CEP192: variants seen among roughly 807,000 people sequenced by gnomAD.
CEP192 encodes the protein centrosomal protein 192, also known as centrosomal protein of 192 kDa.
Under a neutral mutation model 271.8 loss-of-function variants are expected in CEP192, and 151 were observed. The observed-to-expected ratio is 0.56, with a 90% CI of 0.49 to 0.64. The LOEUF is 0.64. Ranked by LOEUF, CEP192 falls within the 30% of genes least tolerant of loss-of-function variation. The pLI, the probability that CEP192 is intolerant of heterozygous loss-of-function variation, is 0.00. For missense variants in CEP192, 2,910 were observed against 3,020.5 expected (o/e 0.96, Z 0.86); for synonymous variants, 995 against 1,076.5 (o/e 0.92, Z 1.48).
At chr18:13,001,665 A>G in intron 3 of CEP192, 83 bp downstream of exon 3, 2 of 1,280,804 alleles carry the variant, frequency 1.6e-6, no homozygotes, top group South Asian at 1.6e-5. Context: ...GTGATTGTGT[A>G]TGTAATTAAT....
chr18:13,042,273 A>T lies in CEP192; in HGVS notation c.2006A>T (p.Glu669Val), dbSNP rs775020219. 1.6e-5 allele frequency: 26 copies of T among 1,613,532 alleles called. No homozygotes were observed. The South Asian group carries it at 2.7e-4, about 17-fold the overall frequency. Reference protein sequence around the residue: ...GSITLQVEAVESTSQVDENDV... With the variant: ...GSITLQVEAVVSTSQVDENDV... ...ATTACACTTCAGGTTGAAGCAGTAGAGAGTACTTCACAAGTGGATGAAAAT... is the reference window on the plus strand; with the variant it reads ...ATTACACTTCAGGTTGAAGCAGTAGTGAGTACTTCACAAGTGGATGAAAAT... The change falls in exon 15 of 45, where the codon GAG (glutamate) becomes GTG (valine). Residue 669 changes from glutamate to valine, a missense_variant. Physicochemically the swap from Glu to Val is moderately radical, Grantham distance 121. Coordinates refer to ENST00000506447, the MANE Select transcript of CEP192 (RefSeq NM_032142.4).
chr18:13,024,483 AG>A (rs1265607425), intron 9 of CEP192: 1 of 357,590 alleles, frequency 2.8e-6, no homozygotes. Context: ...TTATTTTTTG[AG>A]GTGGAGTCTT....
intron 30 of CEP192, among the ~76,000 whole-genome samples, chr18:13,086,109 A>C (rs1165086096): frequency 6.6e-6 from 1 of 152,030 alleles, no homozygotes; most frequent in Admixed American, 6.6e-5. Context: ...CTTCCCTTGT[A>C]AGTTGTATTC....
At chr18:12,997,667 T>G (rs2033339666) in intron 1 of CEP192, among the ~76,000 whole-genome samples, 1 of 152,180 alleles carries the variant, frequency 6.6e-6, no homozygotes, top group African/African-American at 2.4e-5. Flanking sequence ...TACATAGAAC[T>G]GAGTTTCTGC....
chr18:13,019,050 G>A, intron 8 of CEP192, 32 bp from the exon 9 acceptor site: 2 of 1,505,290 alleles, frequency 1.3e-6, no homozygotes, highest in East Asian at 2.6e-5. Flanking sequence ...GATTTGATGT[G>A]GCTCCTTTAA....
At chr18:13,012,073 T>G (rs1411214857) in intron 4 of CEP192, among the ~76,000 whole-genome samples, 17 of 152,222 alleles carry the variant, frequency 1.1e-4, no homozygotes, top group Non-Finnish European at 2.2e-4. Context: ...TATGGTTCTG[T>G]TTATCCATAG....
chr18:13,087,074 T>A lies in CEP192; in HGVS notation c.5674T>A (p.Leu1892Ile). ...TCTTATTTTGGAAGGCGTTAAAAAA[T>A]TATCTGACAGTTACATGGTAACAGT... is the stretch of plus-strand genomic sequence containing the variant. ...SNLILEGVKK[L>I]SDSYMVTVNG... The change falls in exon 31 of 45, where the codon TTA becomes ATA. Residue 1892 changes from leucine to isoleucine, a missense_variant. Coordinates refer to ENST00000506447, the MANE Select transcript of CEP192 (RefSeq NM_032142.4). 6.2e-7 allele frequency: 1 copy of A among 1,613,216 alleles called. No individual in the cohort carries two copies. The highest frequency in any genetic ancestry group is 8.5e-7 in the Non-Finnish European group (1 of 1,179,248).
intron 18 of CEP192, among the ~76,000 whole-genome samples, chr18:13,053,968 A>C (rs1676629209): frequency 6.6e-6 from 1 of 152,198 alleles, no homozygotes; most frequent in Admixed American, 6.5e-5. Context: ...CTGGGACTAC[A>C]GGTGCCTACC....
At position 13,049,044 on chromosome 18, in the gene CEP192, G is replaced by T; in HGVS notation, c.2253G>T (p.Gln751His). The change falls in exon 16 of 45, where the codon CAG becomes CAT. Residue 751 changes from glutamine to histidine, a missense_variant. Gln to His is a conservative substitution (Grantham distance 24, BLOSUM62 0). Coordinates refer to ENST00000506447, the MANE Select transcript of CEP192 (RefSeq NM_032142.4). Reference protein sequence around the residue: ...LSNKTRDKTFQEDEKQKDYSH... With the variant: ...LSNKTRDKTFHEDEKQKDYSH... The stretch of plus-strand genomic sequence containing the variant: ...ATAAAACCAGAGACAAGACTTTTCA[G>T]GAAGATGAGAAACAAAAGGACTATT... 1.9e-6 allele frequency: 3 copies of T among 1,614,102 alleles called. No individual in the cohort carries two copies. Among genetic ancestry groups the T allele is most frequent in the Non-Finnish European group, 2.5e-6 (3 of 1,180,018 alleles).
chr18:13,047,556 A>C (rs902914754), intron 15 of CEP192, among the ~76,000 whole-genome samples: 1 of 152,186 alleles, frequency 6.6e-6, no homozygotes, highest in African/African-American at 2.4e-5. Context: ...TGGCCCCATA[A>C]ATTTACACTG....
chr18:13,018,465 A>G lies in CEP192; in HGVS notation c.790-15A>G, dbSNP rs1361803891. The G allele has an allele frequency of 1.5e-5, 22 of 1,478,782 alleles. No homozygotes were observed. Among genetic ancestry groups the G allele is most frequent in the Non-Finnish European group, 1.9e-5 (21 of 1,097,820 alleles). The allele number at this position is 1,478,782 out of a possible 1,614,324, so 91.6% of individuals were successfully genotyped here. A position where few individuals can be genotyped will look rare whatever the true frequency, so the allele number is the denominator to read the frequency against. On this transcript the variant is annotated splice_polypyrimidine_tract_variant and intron_variant, in intron 7 of 44. Transcript: ENST00000506447. ...AATTTAAAAGATTAATACAGCTAAG[A>G]TATTCTTTCAACAGGCAAATGAAAA... is the stretch of plus-strand genomic sequence containing the variant.
At chr18:13,116,321 A>G in intron 42 of CEP192, 56 bp from the exon 43 acceptor site, 1 of 1,538,730 alleles carries the variant, frequency 6.5e-7, no homozygotes, top group Admixed American at 2.0e-5. Flanking sequence ...ATATAAAAAC[A>G]GTTTAAGTTA....
chr18:13,124,680 A>T lies in CEP192; in HGVS notation c.7524A>T (p.Ala2508=). 6.2e-7 allele frequency: 1 copy of T among 1,614,100 alleles called. No individual in the cohort carries two copies. Among genetic ancestry groups the T allele is most frequent in the Non-Finnish European group, 8.5e-7 (1 of 1,179,976 alleles). The change falls in exon 45 of 45, where the codon GCA becomes GCT. Residue 2508 remains alanine, a synonymous_variant. Coordinates refer to ENST00000506447, the MANE Select transcript of CEP192 (RefSeq NM_032142.4). Reference sequence around the variant, plus strand: ...CCGTGCAGTTCAAACCGAAGTCCGCAGGCAAATTTGAAGCTTTGCTTGTCA... The same window carrying T: ...CCGTGCAGTTCAAACCGAAGTCCGCTGGCAAATTTGAAGCTTTGCTTGTCA... The part of the protein sequence containing the change: ...NMPVQFKPKS[A]GKFEALLVIQ...
At chr18:13,089,336 G>A (rs2039035377) in intron 32 of CEP192, 120 bp from the exon 33 acceptor site, 3 of 508,812 alleles carry the variant, frequency 5.9e-6, no homozygotes, top group East Asian at 3.1e-5. Flanking sequence ...TAGGTGTAAG[G>A]TCTGTGTACT....
At chr18:13,086,042 T>G (rs1243713156) in intron 30 of CEP192, among the ~76,000 whole-genome samples, 1 of 152,242 alleles carries the variant, frequency 6.6e-6, no homozygotes, top group African/African-American at 2.4e-5. Context: ...CATTTCTTTG[T>G]GTCTTCTCTT....
At chr18:13,066,969 G>GTGTGTGTGTGTA (rs1223974848) in intron 21 of CEP192, among the ~76,000 whole-genome samples, 2,571 of 146,580 alleles carry the variant, frequency 0.018, 59 homozygotes, top group African/African-American at 0.059. Context: ...ACGTCTGTGT[G>GTGTGTGTGTGTA]TGTGTGTGTG....
chr18:13,006,292 C>T (rs1568267594), intron 3 of CEP192, among the ~76,000 whole-genome samples: 1 of 150,618 alleles, frequency 6.6e-6, no homozygotes. Flanking sequence ...TTAATGGGCC[C>T]TTTTTGTGGA....
At chr18:12,996,569 A>G (rs2033258142) in intron 1 of CEP192, among the ~76,000 whole-genome samples, 1 of 152,118 alleles carries the variant, frequency 6.6e-6, no homozygotes, top group African/African-American at 2.4e-5. Context: ...GAAGGCAATC[A>G]CCCAGAGAGG....
At position 12,992,666 on chromosome 18, in the gene CEP192, T is replaced by C. The variant is rs563040391; in HGVS notation, c.-5+1229T>C. On this transcript the variant is annotated intron_variant, in intron 1 of 44. Transcript: ENST00000506447. ...TATGTCCATGAATGGTTTACAAGTG[T>C]AATCTTTTCTGGAGAAGAGACTAGG... Among the ~76,000 whole-genome samples, 13 of 152,362 alleles carry C rather than the reference T, an allele frequency of 8.5e-5. No individual in the cohort carries two copies. The East Asian group carries it at 2.5e-3, about 29-fold the overall frequency.
Sources: allele counts gnomAD v4.1 joint callset (sites outside exome capture counted in the v4.1 genomes callset), GRCh38; gene constraint gnomAD v4.1.1; transcripts MANE v1.5; gene names NCBI Gene and HGNC (gene_info 2026-07-23, HGNC 2026-07-21).